The following LRPPRC variants were observed in gnomAD, a reference collection of about 807,000 sequenced individuals.
LRPPRC encodes leucine-rich PPR motif-containing protein, mitochondrial.
LRPPRC carries 120 observed loss-of-function variants against 180.3 expected under a neutral mutation model. That is an observed-to-expected ratio of 0.67 (90% CI 0.57 to 0.77). The LOEUF (loss-of-function observed/expected upper bound fraction) is 0.77. Ranked by LOEUF, LRPPRC falls within the 30% of genes least tolerant of loss-of-function variation. The pLI is 0.00. For synonymous variants in LRPPRC, 723 were observed against 600.0 expected (o/e 1.21, Z -3.00); for missense variants, 2,012 against 1,657.2 (o/e 1.21, Z -3.72).
intron 22 of LRPPRC, among the ~76,000 whole-genome samples, chr2:43,944,688 C>G (rs1672613125): frequency 6.6e-6 from 1 of 151,690 alleles, no homozygotes; most frequent in Admixed American, 6.6e-5. Flanking sequence ...AAGGAAATTT[C>G]AAAATAAAGC....
At chr2:43,937,425 T>C (rs1350459982) in intron 23 of LRPPRC, among the ~76,000 whole-genome samples, 1 of 152,198 alleles carries the variant, frequency 6.6e-6, no homozygotes, top group Non-Finnish European at 1.5e-5. Context: ...CATGTCATTT[T>C]AAAAGACAAA....
At chr2:43,921,302 A>C (rs1273131821) in intron 27 of LRPPRC, among the ~76,000 whole-genome samples, 1 of 152,144 alleles carries the variant, frequency 6.6e-6, no homozygotes, top group Admixed American at 6.6e-5. Context: ...ATAAGGACTA[A>C]AATAAAACAC....
chr2:43,949,197 T>C (rs1472537117), intron 16 of LRPPRC, among the ~76,000 whole-genome samples: 1 of 152,148 alleles, frequency 6.6e-6, no homozygotes, highest in African/African-American at 2.4e-5. Context: ...AATCATTAAA[T>C]GTCAAAACAA....
intron 30 of LRPPRC, among the ~76,000 whole-genome samples, chr2:43,909,967 A>G (rs1671199377): frequency 6.6e-6 from 1 of 152,234 alleles, no homozygotes; most frequent in Non-Finnish European, 1.5e-5. Context: ...GATGTTTTAC[A>G]TAGACAACCC....
Position 43,934,744 on chromosome 2 carries a change from A to C in LRPPRC, c.2629+10T>G. On this transcript the variant is annotated intron_variant, in intron 24 of 37. Coordinates refer to ENST00000260665, the MANE Select transcript of LRPPRC (RefSeq NM_133259.4). ...AAAAAACTACATTAAGATACTAGAA[A>C]GTGACTCACCTTTCTGAATTAGATC... 2 of 1,612,558 alleles carry C rather than the reference A, an allele frequency of 1.2e-6. No individual in the cohort carries two copies. Among genetic ancestry groups the C allele is most frequent in the African/African-American group, 2.7e-5 (2 of 75,026 alleles).
intron 25 of LRPPRC, among the ~76,000 whole-genome samples, chr2:43,926,766 G>A (rs12611524): frequency 0.62 from 94,380 of 152,146 alleles, 30,955 homozygotes; most frequent in East Asian, 0.96. Flanking sequence ...GTTACACAAA[G>A]TAACAGTTGT....
At position 43,963,646 on chromosome 2, in the gene LRPPRC, T is replaced by C. The variant is rs770651167; in HGVS notation, c.1430A>G (p.Tyr477Cys). 3 of 1,612,756 alleles carry C rather than the reference T, an allele frequency of 1.9e-6. No homozygotes were observed. Among genetic ancestry groups the C allele is most frequent in the East Asian group, 2.2e-5 (1 of 44,880 alleles). The change falls in exon 12 of 38, where the codon TAT becomes TGT. Residue 477 changes from tyrosine to cysteine, a missense_variant. Transcript: ENST00000260665. The part of the protein sequence containing the change: ...ELGVHPDQET[Y>C]TDYVIPCFDS... ...AAAGCATGGAATCACATAATCTGTATATGTTTCCTGATCAGGATGTACTCC... is the reference window on the plus strand; with the variant it reads ...AAAGCATGGAATCACATAATCTGTACATGTTTCCTGATCAGGATGTACTCC...
At chr2:43,969,152 C>T (rs1366278154) in intron 11 of LRPPRC, among the ~76,000 whole-genome samples, 1 of 152,176 alleles carries the variant, frequency 6.6e-6, no homozygotes, top group Non-Finnish European at 1.5e-5. Context: ...GAGGCTCACG[C>T]CTGTAATCCC....
intron 29 of LRPPRC, among the ~76,000 whole-genome samples, chr2:43,917,043 T>C (rs1373309392): frequency 2.3e-5 from 2 of 87,358 alleles, no homozygotes; most frequent in Non-Finnish European, 2.6e-5. Context: ...CTAGATTTGC[T>C]TTTTTTTTTT....
In LRPPRC at chr2:43,959,235, G is replaced by A. The variant is rs533219039; in HGVS notation, c.1582+1306C>T. The A allele has an allele frequency of 4.1e-5, 29 of 714,308 alleles. No individual in the cohort carries two copies. In the East Asian group the frequency reaches 7.8e-4, roughly 19 times the overall value. 44.2% of individuals were successfully genotyped at this position (714,308 alleles called of 1,614,324 possible). A position where few individuals can be genotyped will look rare whatever the true frequency, so the allele number is the denominator to read the frequency against. ...GATTGGAAAATCTATATAGTATACA[G>A]AGTGGAAGGCAAAATCAATACACTC... On this transcript the variant is annotated intron_variant, in intron 13 of 37. Transcript: ENST00000260665.
At chr2:43,936,946 A>G (rs1672298712) in intron 23 of LRPPRC, among the ~76,000 whole-genome samples, 1 of 152,204 alleles carries the variant, frequency 6.6e-6, no homozygotes, top group Admixed American at 6.5e-5. Flanking sequence ...GCCTTTCTAT[A>G]ACTCTGCTTA....
intron 30 of LRPPRC, among the ~76,000 whole-genome samples, chr2:43,908,252 T>C (rs946263178): frequency 6.6e-6 from 1 of 152,182 alleles, no homozygotes; most frequent in African/African-American, 2.4e-5. Flanking sequence ...AGAGTTTATA[T>C]CCCTTACTGC....
chr2:43,954,663 A>ACACACATGTGCATGCATGTG (rs1673036117), intron 14 of LRPPRC, among the ~76,000 whole-genome samples: 1 of 152,236 alleles, frequency 6.6e-6, no homozygotes, highest in Non-Finnish European at 1.5e-5. Context: ...ATATATATGT[A>ACACACATGTGCATGCATGTG]CACACATGTG....
At chr2:43,974,520 C>A (rs903864496) in intron 8 of LRPPRC, 94 bp downstream of exon 8, 6 of 952,460 alleles carry the variant, frequency 6.3e-6, no homozygotes, top group African/African-American at 1.6e-5. Flanking sequence ...TCAACTCCCA[C>A]AATGCCCATT....
chr2:43,974,206 C>G lies in LRPPRC; in HGVS notation c.1099G>C (p.Asp367His). ...AAACTGCCAAAGACACTTGGGCCAT[C>G]TTCCTTTGATACGGGGCATGCTAGT... ...ILLACPVSKEDGPSVFGSFFL... is the reference protein window; with the variant it reads ...ILLACPVSKEHGPSVFGSFFL... Residue 367 changes from aspartate to histidine, a missense_variant, in exon 9 of 38, where the codon GAT becomes CAT. Transcript: ENST00000260665. The G allele has an allele frequency of 1.2e-6, 2 of 1,612,628 alleles. No homozygotes were observed. The highest frequency in any genetic ancestry group is 1.3e-5 in the African/African-American group (1 of 75,028).
intron 11 of LRPPRC, among the ~76,000 whole-genome samples, chr2:43,965,861 G>A (rs1048244776): frequency 3.3e-5 from 5 of 152,142 alleles, no homozygotes; most frequent in African/African-American, 9.7e-5. Flanking sequence ...AGTCAAAAGC[G>A]ATTAGACAGT....
At chr2:43,911,828 G>C (rs1483846628) in intron 30 of LRPPRC, among the ~76,000 whole-genome samples, 1 of 151,926 alleles carries the variant, frequency 6.6e-6, no homozygotes, top group African/African-American at 2.4e-5. Context: ...CGCCCAGTCA[G>C]ATTTCTTTTT....
chr2:43,942,452 G>C (rs1039721637), intron 23 of LRPPRC, among the ~76,000 whole-genome samples: 3 of 152,064 alleles, frequency 2.0e-5, no homozygotes, highest in Admixed American at 6.6e-5. Context: ...TCTTTAAAAG[G>C]ATGTAATGCT....
At chr2:43,960,484 CT>C (rs573903637) in intron 13 of LRPPRC, 56 bp downstream of exon 13, 42 of 963,612 alleles carry the variant, frequency 4.4e-5, no homozygotes, top group Middle Eastern at 2.1e-4. Context: ...CCTGCATGCC[CT>C]CAATAGTAAC....
Sources: gnomAD v4.1 joint callset for allele counts (sites outside exome capture counted in the v4.1 genomes callset) on GRCh38, gnomAD v4.1.1 for gene constraint, MANE v1.5 for transcripts, NCBI Gene and HGNC (gene_info 2026-07-23, HGNC 2026-07-21) for gene names.